The following PPP3CA variants were observed in gnomAD, a reference collection of about 807,000 sequenced individuals.
PPP3CA encodes the protein protein phosphatase 3 catalytic subunit alpha.
In PPP3CA, 14 loss-of-function variants were observed where a neutral mutation model predicts 66.5. The observed-to-expected ratio is 0.21, with a 90% CI of 0.14 to 0.33. The LOEUF is 0.33. Ranked by LOEUF, PPP3CA falls within the 10% of genes least tolerant of loss-of-function variation. PPP3CA has a pLI of 1.00. For missense variants in PPP3CA, 317 were observed against 639.5 expected, an observed-to-expected ratio of 0.50 and a Z score of 5.44; for synonymous variants, 232 against 226.2, an observed-to-expected ratio of 1.03 and a Z score of -0.23.
At chr4:101,238,462 A>G (rs1726197069) in intron 1 of PPP3CA, among the ~76,000 whole-genome samples, 1 of 152,014 alleles carries the variant, frequency 6.6e-6, no homozygotes. Context: ...CTTTAGAATA[A>G]CATTATCTTC....
At chr4:101,169,156 C>G (rs1723789222) in intron 2 of PPP3CA, among the ~76,000 whole-genome samples, 1 of 152,162 alleles carries the variant, frequency 6.6e-6, no homozygotes, top group South Asian at 2.1e-4. Flanking sequence ...AGGTCAACAA[C>G]CAGCCTTGCC....
intron 1 of PPP3CA, among the ~76,000 whole-genome samples, chr4:101,334,229 G>C (rs1453792694): frequency 1.3e-5 from 2 of 151,926 alleles, no homozygotes; most frequent in African/African-American, 2.4e-5. Flanking sequence ...CCACCTCCCA[G>C]GTTCAAGCGA....
intron 4 of PPP3CA, among the ~76,000 whole-genome samples, chr4:101,099,272 G>C (rs1446909341): frequency 3.3e-5 from 5 of 152,108 alleles, no homozygotes; most frequent in Admixed American, 2.6e-4. Context: ...GCATAGGGTT[G>C]AATTTGCCCT....
In PPP3CA at chr4:101,135,607, T is replaced by TC. The variant is rs901144128; in HGVS notation, c.260-26530dup. ...ACTTATTTTCTCTGGTTCCCTCCTC[T>TC]CCCCCAGAGGGCAGAATAAAAGCAA... On this transcript the variant is annotated intron_variant, in intron 2 of 13. Coordinates refer to ENST00000394854, the MANE Select transcript of PPP3CA (RefSeq NM_000944.5). Among the ~76,000 whole-genome samples, 59 of 152,122 alleles carry TC rather than the reference T, an allele frequency of 3.9e-4. 1 individual carries two copies. The highest frequency in any genetic ancestry group is 1.4e-3 in the African/African-American group (58 of 41,480).
chr4:101,072,993 T>C (rs999955554), intron 8 of PPP3CA, among the ~76,000 whole-genome samples: 7 of 149,610 alleles, frequency 4.7e-5, no homozygotes, highest in African/African-American at 7.4e-5. Context: ...AAGGTGACAA[T>C]GATAATGACA....
At chr4:101,309,603 G>A (rs1471200689) in intron 1 of PPP3CA, among the ~76,000 whole-genome samples, 1 of 152,100 alleles carries the variant, frequency 6.6e-6, no homozygotes, top group African/African-American at 2.4e-5. Context: ...AAGATGTGCT[G>A]TTCTGCCTGA....
intron 2 of PPP3CA, among the ~76,000 whole-genome samples, chr4:101,154,280 G>T (rs190027398): frequency 1.9e-4 from 29 of 152,224 alleles, no homozygotes; most frequent in African/African-American, 6.7e-4. Context: ...CAAAAGTCAG[G>T]TATTCTACCA....
At chr4:101,259,283 C>G (rs771257023) in intron 1 of PPP3CA, among the ~76,000 whole-genome samples, 1 of 152,040 alleles carries the variant, frequency 6.6e-6, no homozygotes, top group Non-Finnish European at 1.5e-5. Context: ...CTGCTAAACA[C>G]GTTTGTTTTC....
At chr4:101,098,574 T>C (rs1002037389) in intron 4 of PPP3CA, 62 bp from the exon 5 acceptor site, 5 of 1,484,536 alleles carry the variant, frequency 3.4e-6, no homozygotes, top group Admixed American at 2.4e-5. Context: ...ACTGAAATAG[T>C]TTTGGTTTTT....
At chr4:101,202,767 A>T (rs921009420) in intron 1 of PPP3CA, among the ~76,000 whole-genome samples, 7 of 152,344 alleles carry the variant, frequency 4.6e-5, no homozygotes, top group African/African-American at 1.7e-4. Flanking sequence ...TAAAATTTTT[A>T]AAAATGATTT....
chr4:101,306,558 C>CT (rs1174414493), intron 1 of PPP3CA, among the ~76,000 whole-genome samples: 3 of 151,972 alleles, frequency 2.0e-5, no homozygotes, highest in East Asian at 1.9e-4. Flanking sequence ...CAAATATGGG[C>CT]TGTACACCCA....
chr4:101,039,093 A>G (rs929208404), intron 11 of PPP3CA, among the ~76,000 whole-genome samples: 1 of 111,936 alleles, frequency 8.9e-6, no homozygotes, highest in African/African-American at 3.1e-5. Context: ...TATGACCTTC[A>G]TATACGCCTT....
intron 1 of PPP3CA, among the ~76,000 whole-genome samples, chr4:101,199,488 G>A (rs1257034032): frequency 1.3e-5 from 2 of 152,140 alleles, no homozygotes; most frequent in Non-Finnish European, 2.9e-5. Context: ...CTGCCTGTAA[G>A]CACAGAATAT....
At chr4:101,070,151 G>C (rs1036506384) in intron 8 of PPP3CA, among the ~76,000 whole-genome samples, 1 of 152,092 alleles carries the variant, frequency 6.6e-6, no homozygotes, top group Non-Finnish European at 1.5e-5. Context: ...GAAGACAATA[G>C]AAGGAATGAG....
At chr4:101,065,966 T>C (rs965065246) in intron 8 of PPP3CA, among the ~76,000 whole-genome samples, 8 of 152,132 alleles carry the variant, frequency 5.3e-5, no homozygotes, top group African/African-American at 1.9e-4. Context: ...TTTCATTTAT[T>C]TACTGAGTAT....
intron 2 of PPP3CA, among the ~76,000 whole-genome samples, chr4:101,163,342 T>C (rs1006181765): frequency 2.0e-5 from 3 of 152,170 alleles, no homozygotes; most frequent in East Asian, 1.9e-4. Context: ...CTGGGGCTTT[T>C]GTTGTTGTTC....
chr4:101,211,175 C>A (rs1725286912), intron 1 of PPP3CA, among the ~76,000 whole-genome samples: 1 of 151,902 alleles, frequency 6.6e-6, no homozygotes, highest in African/African-American at 2.4e-5. Context: ...GAAGCCAGGG[C>A]TCACATCAGG....
At chr4:101,312,431 AAAT>A (rs1179190191) in intron 1 of PPP3CA, among the ~76,000 whole-genome samples, 1 of 152,008 alleles carries the variant, frequency 6.6e-6, no homozygotes, top group Non-Finnish European at 1.5e-5. Context: ...ATTTTTTATT[AAAT>A]AATAAAAGAA....
chr4:101,062,441 CT>C (rs1461691829), intron 9 of PPP3CA, among the ~76,000 whole-genome samples: 1 of 151,922 alleles, frequency 6.6e-6, no homozygotes, highest in East Asian at 1.9e-4. Flanking sequence ...AACATCATTA[CT>C]CTGATACTTA....
Sources: gnomAD v4.1 joint callset for allele counts (sites outside exome capture counted in the v4.1 genomes callset) on GRCh38, gnomAD v4.1.1 for gene constraint, MANE v1.5 for transcripts, NCBI Gene and HGNC (gene_info 2026-07-23, HGNC 2026-07-21) for gene names.